The following APC variants were observed in gnomAD, a reference collection of about 807,000 sequenced individuals.
APC encodes the protein adenomatous polyposis coli protein.
In APC, 72 loss-of-function variants were observed where a neutral mutation model predicts 247.0. The ratio of observed to expected loss-of-function variants is 0.29; its 90% CI spans 0.24 to 0.35. The LOEUF is 0.35. APC is among the 10% of genes least tolerant of loss of function. The probability of loss-of-function intolerance (pLI) is 1.00; values close to 1 mark genes in which losing one functional copy is unlikely to be tolerated. For synonymous variants in APC, 1,254 were observed against 1,162.5 expected, an observed-to-expected ratio of 1.08 and a Z score of -1.60; for missense variants, 3,400 against 3,360.7, an observed-to-expected ratio of 1.01 and a Z score of -0.29.
At chr5:112,798,360 A>G (rs2149702610) in intron 7 of APC, among the ~76,000 whole-genome samples, 1 of 152,348 alleles carries the variant, frequency 6.6e-6, no homozygotes, top group East Asian at 1.9e-4. Flanking sequence ...GAAAAGGCAA[A>G]ATTTCTAAAG....
chr5:112,774,854 A>G (rs1757441326), intron 4 of APC, among the ~76,000 whole-genome samples: 1 of 152,228 alleles, frequency 6.6e-6, no homozygotes, highest in Non-Finnish European at 1.5e-5. Context: ...TATATTTAAA[A>G]TGTACATATA....
intron 8 of APC, among the ~76,000 whole-genome samples, chr5:112,811,863 G>C (rs1408506223): frequency 6.6e-6 from 1 of 152,140 alleles, no homozygotes; most frequent in Non-Finnish European, 1.5e-5. Context: ...CCTGTCTCTG[G>C]TTCAGGGTCT....
chr5:112,721,925 A>T lies in APC; in HGVS notation c.165+14043A>T, dbSNP rs142603561. Among the ~76,000 whole-genome samples, 699 of 152,280 alleles carry T rather than the reference A, an allele frequency of 4.6e-3. 7 individuals are homozygous for T. Among genetic ancestry groups the T allele is most frequent in the African/African-American group, 0.016 (678 of 41,562 alleles). On this transcript the variant is annotated intron_variant, in intron 1 of 13. Coordinates refer to the APC transcript ENST00000507379. ...ATCTCCTAATGTTTTAAGAAAGTTT[A>T]CGAATTTGTGTTGGGCTGCATTCAA...
Position 112,826,177 on chromosome 5 carries a change from G to T in APC, c.1409-931G>T, listed in dbSNP as rs78861802. On this transcript the variant is annotated intron_variant, in intron 11 of 15. Coordinates refer to ENST00000257430, the MANE Select transcript of APC (RefSeq NM_000038.6). ...AAAATATTAACGTACTGGCTGTCTT[G>T]CAGATGAATGACCTAATTAGACTTG... is the stretch of plus-strand genomic sequence containing the variant. Among the ~76,000 whole-genome samples the T allele has an allele frequency of 6.6e-6, 1 of 152,140 alleles. No homozygotes were observed. Among genetic ancestry groups the T allele is most frequent in the African/African-American group, 2.4e-5 (1 of 41,428 alleles).
In APC at chr5:112,839,540, G is replaced by C. The variant is rs761621587; in HGVS notation, c.3946G>C (p.Ala1316Pro). Residue 1316 changes from alanine to proline, a missense_variant, in exon 16 of 16, where the codon GCT becomes CCT. By Grantham distance (27) the Ala-to-Pro change is conservative. This residue lies in a region of APC where 715 missense variants were observed against 656.6 expected (regional missense o/e 1.09). Coordinates refer to ENST00000257430, the MANE Select transcript of APC (RefSeq NM_000038.6). The surrounding 1 kb of genome is among the most constrained non-coding windows in gnomAD (Gnocchi z 5.0). Reference protein sequence around the residue: ...EIKEKIGTRSAEDPVSEVPAV... With the variant: ...EIKEKIGTRSPEDPVSEVPAV... ...AAAAGAAAAGATTGGAACTAGGTCA[G>C]CTGAAGATCCTGTGAGCGAAGTTCC... 7.4e-6 allele frequency: 12 copies of C among 1,614,190 alleles called. 1 individual carries two copies. In the South Asian group the frequency reaches 9.9e-5, roughly 13 times the overall value.
intron 1 of APC, among the ~76,000 whole-genome samples, chr5:112,714,755 C>G (rs536703587): frequency 1.6e-4 from 25 of 152,308 alleles, no homozygotes; most frequent in African/African-American, 6.0e-4. Flanking sequence ...TCTCTTCTAT[C>G]ATGCTTCAGC....
intron 1 of APC, 96 bp downstream of exon 1, chr5:112,738,021 C>A: frequency 1.3e-6 from 1 of 794,244 alleles, no homozygotes; most frequent in Non-Finnish European, 1.5e-6. Context: ...CTTTCCTTGG[C>A]ACAGGGTCCA....
chr5:112,794,380 CCT>C (rs1759976716), intron 7 of APC, among the ~76,000 whole-genome samples: 1 of 152,140 alleles, frequency 6.6e-6, no homozygotes, highest in Non-Finnish European at 1.5e-5. Flanking sequence ...GCGCCTGACC[CCT>C]GTTAAACCTT....
At chr5:112,748,185 T>C (rs977025360) in intron 1 of APC, among the ~76,000 whole-genome samples, 2 of 152,180 alleles carry the variant, frequency 1.3e-5, no homozygotes, top group East Asian at 3.8e-4. Context: ...GCCAGTGTTA[T>C]GTAGCTATTT....
intron 2 of APC, among the ~76,000 whole-genome samples, chr5:112,761,568 AG>A (rs779928527): frequency 1.3e-5 from 2 of 152,240 alleles, no homozygotes; most frequent in Non-Finnish European, 2.9e-5. Context: ...ACTTGAAAAA[AG>A]ATCAGTAGAA....
chr5:112,830,810 G>C (rs1430366033), intron 14 of APC, among the ~76,000 whole-genome samples: 5 of 152,186 alleles, frequency 3.3e-5, no homozygotes, highest in Non-Finnish European at 7.3e-5. Flanking sequence ...GATTATGAGA[G>C]GGTAGGAAAC....
rs78626122 is a variant in APC at position 112,807,137 on chromosome 5, A to G, written c.834+5754A>G. Among the ~76,000 whole-genome samples the G allele has an allele frequency of 8.8e-6, 1 of 113,314 alleles. No individual in the cohort carries two copies. The highest frequency in any genetic ancestry group is 2.8e-4 in the East Asian group (1 of 3,636). 74.3% of individuals were successfully genotyped at this position (113,314 alleles called of 152,430 possible). On this transcript the variant is annotated intron_variant, in intron 8 of 15. Coordinates refer to ENST00000257430, the MANE Select transcript of APC (RefSeq NM_000038.6). ...GACAGAGCAAGACTCTATCTCAAGG[A>G]AAAAAAAAAAAAAAACGTAAAACCA...
intron 2 of APC, among the ~76,000 whole-genome samples, chr5:112,756,693 T>G (rs1339170010): frequency 6.6e-6 from 1 of 152,142 alleles, no homozygotes; most frequent in Non-Finnish European, 1.5e-5. Context: ...TGAGAGACAA[T>G]GTAACTTACC....
chr5:112,775,996 C>G (rs910541424), intron 5 of APC, among the ~76,000 whole-genome samples: 2 of 152,128 alleles, frequency 1.3e-5, no homozygotes, highest in Admixed American at 1.3e-4. Flanking sequence ...TAGAGGACCT[C>G]AGGGTTCAAC....
chr5:112,789,363 G>C (rs1009005925), intron 6 of APC, among the ~76,000 whole-genome samples: 2 of 152,106 alleles, frequency 1.3e-5, no homozygotes, highest in Non-Finnish European at 2.9e-5. Flanking sequence ...TTGGATTTTT[G>C]TATTAGGTAT....
chr5:112,775,509 T>A (rs1396436205), intron 4 of APC, 120 bp from the exon 5 acceptor site: 6 of 592,304 alleles, frequency 1.0e-5, no homozygotes, highest in Non-Finnish European at 1.8e-5. Context: ...ATTTTTTGAG[T>A]AATTCATTAT....
rs770637582 is a variant in APC at position 112,841,848 on chromosome 5, G to C, written c.6254G>C (p.Arg2085Thr). The C allele has an allele frequency of 1.9e-6, 3 of 1,613,880 alleles. No individual in the cohort carries two copies. The highest frequency in any genetic ancestry group is 2.7e-5 in the African/African-American group (2 of 75,024). Reference sequence around the variant, plus strand: ...ACACTTGATTTGAAAGATATACAGAGACCAGATTCAGAACATGGTCTATCC... The same window carrying C: ...ACACTTGATTTGAAAGATATACAGACACCAGATTCAGAACATGGTCTATCC... ...DLTLDLKDIQRPDSEHGLSPD... is the reference protein window; with the variant it reads ...DLTLDLKDIQTPDSEHGLSPD... The change falls in exon 16 of 16, where the codon AGA (arginine) becomes ACA (threonine). Residue 2085 changes from arginine (R) to threonine (T), a missense_variant. Arg to Thr is a moderately conservative substitution (Grantham distance 71). This residue lies in a region of APC where 1,788 missense variants were observed against 1,649.5 expected (regional missense o/e 1.08). Coordinates refer to ENST00000257430, the MANE Select transcript of APC (RefSeq NM_000038.6). The surrounding 1 kb of genome is among the most constrained non-coding windows in gnomAD (Gnocchi z 4.6).
chr5:112,780,498 C>T (rs1029996719), intron 5 of APC, among the ~76,000 whole-genome samples: 1 of 152,152 alleles, frequency 6.6e-6, no homozygotes, highest in Non-Finnish European at 1.5e-5. Context: ...AATTTAACCT[C>T]ACTCTAACTG....
Position 112,842,080 on chromosome 5 carries a change from T to G in APC, c.6486T>G (p.Asn2162Lys), listed in dbSNP as rs776869030. Residue 2162 changes from asparagine (N) to lysine (K), a missense_variant, in exon 16 of 16, where the codon AAT (asparagine) becomes AAG (lysine). By Grantham distance (94) the Asn-to-Lys change is moderately conservative (BLOSUM62 0). Coordinates refer to ENST00000257430, the MANE Select transcript of APC (RefSeq NM_000038.6). Reference protein sequence around the residue: ...PDQEEKPFTSNKGPRILKPGE... With the variant: ...PDQEEKPFTSKKGPRILKPGE... The stretch of plus-strand genomic sequence containing the variant: ...AAGAAGAAAAACCCTTTACAAGTAA[T>G]AAAGGCCCACGAATTCTAAAACCAG... The G allele has an allele frequency of 1.2e-6, 2 of 1,611,436 alleles. No homozygotes were observed. The highest frequency in any genetic ancestry group is 1.7e-6 in the Non-Finnish European group (2 of 1,177,830).
Sources: allele counts gnomAD v4.1 joint callset (sites outside exome capture counted in the v4.1 genomes callset), GRCh38; gene constraint gnomAD v4.1.1; regional missense constraint gnomAD v4.1.1; non-coding constraint Gnocchi (gnomAD v3.1); transcripts MANE v1.5; gene names NCBI Gene and HGNC (gene_info 2026-07-23, HGNC 2026-07-21).